NRG3: variants seen among roughly 807,000 people sequenced by gnomAD.
The protein encoded by NRG3 is neuregulin 3, also known as pro-neuregulin-3, membrane-bound isoform.
In NRG3, 31 loss-of-function variants were observed where a neutral mutation model predicts 66.9. The observed-to-expected ratio is 0.46, with a 90% confidence interval of 0.35 to 0.63. The LOEUF is 0.63. Ranked by LOEUF, NRG3 falls within the 20% of genes least tolerant of loss-of-function variation. The pLI, the probability that NRG3 is intolerant of heterozygous loss-of-function variation, is 0.00. For missense variants in NRG3, 910 were observed against 878.9 expected, an observed-to-expected ratio of 1.04 and a Z score of -0.45; for synonymous variants, 393 against 359.4, an observed-to-expected ratio of 1.09 and a Z score of -1.06.
intron 1 of NRG3, among the ~76,000 whole-genome samples, chr10:81,955,252 T>C (rs1849719562): frequency 6.6e-6 from 1 of 151,248 alleles, no homozygotes; most frequent in Admixed American, 6.6e-5. Context: ...CAAGCAATTG[T>C]GGAAGCTGGA....
intron 1 of NRG3, among the ~76,000 whole-genome samples, chr10:82,034,380 A>C (rs556533382): frequency 5.9e-5 from 9 of 152,206 alleles, no homozygotes; most frequent in African/African-American, 2.2e-4. Context: ...TGTCTTGGAA[A>C]CCGCAAGATG....
At chr10:82,809,422 G>A (rs2061409553) in intron 3 of NRG3, among the ~76,000 whole-genome samples, 1 of 151,740 alleles carries the variant, frequency 6.6e-6, no homozygotes. Context: ...GTATTCCCAT[G>A]TACCCCATTT....
chr10:81,955,116 A>G (rs1243268130), intron 1 of NRG3, among the ~76,000 whole-genome samples: 2 of 148,764 alleles, frequency 1.3e-5, no homozygotes, highest in Non-Finnish European at 3.0e-5. Context: ...CTGTTATATT[A>G]GACATATACC....
chr10:82,019,784 T>C (rs1443596956), intron 1 of NRG3, among the ~76,000 whole-genome samples: 1 of 152,134 alleles, frequency 6.6e-6, no homozygotes, highest in Non-Finnish European at 1.5e-5. Flanking sequence ...GGTGGTGATA[T>C]CTCCTTTATC....
At chr10:82,921,631 G>A (rs1233871709) in intron 4 of NRG3, among the ~76,000 whole-genome samples, 3 of 152,100 alleles carry the variant, frequency 2.0e-5, no homozygotes, top group Non-Finnish European at 2.9e-5. Context: ...AGAATAAAGA[G>A]AAAACATGTA....
At chr10:82,020,192 A>G (rs111883166) in intron 1 of NRG3, among the ~76,000 whole-genome samples, 34 of 152,306 alleles carry the variant, frequency 2.2e-4, no homozygotes, top group African/African-American at 7.9e-4. Flanking sequence ...TTGTGATTTT[A>G]TCTTACTGTG....
intron 1 of NRG3, among the ~76,000 whole-genome samples, chr10:81,970,456 A>C (rs2059893164): frequency 6.6e-6 from 1 of 152,174 alleles, no homozygotes; most frequent in African/African-American, 2.4e-5. Context: ...TTTTTAATTG[A>C]TTCTGTAATT....
chr10:82,232,563 T>C, intron 1 of NRG3: 3 of 560,810 alleles, frequency 5.3e-6, no homozygotes, highest in South Asian at 2.3e-5. Flanking sequence ...CTCAGACTTC[T>C]GACCGTTTTT....
intron 1 of NRG3, among the ~76,000 whole-genome samples, chr10:82,245,180 A>G (rs2077180644): frequency 6.6e-6 from 1 of 152,104 alleles, no homozygotes; most frequent in Admixed American, 6.6e-5. Context: ...GGGGGATGGG[A>G]GGCAGTGACA....
At chr10:82,706,271 T>A (rs2256900) in intron 2 of NRG3, among the ~76,000 whole-genome samples, 137,821 of 152,196 alleles carry the variant, frequency 0.91, 62,493 homozygotes, top group East Asian at 1. Context: ...TGACATATTA[T>A]AATCTCCAGG....
intron 1 of NRG3, among the ~76,000 whole-genome samples, chr10:82,114,782 T>A (rs2067601277): frequency 2.6e-5 from 4 of 152,256 alleles, no homozygotes; most frequent in African/African-American, 9.6e-5. Context: ...AACTGTTCTT[T>A]CATGATGTGT....
At chr10:82,889,818 T>C (rs1014954852) in intron 4 of NRG3, among the ~76,000 whole-genome samples, 1 of 152,216 alleles carries the variant, frequency 6.6e-6, no homozygotes, top group African/African-American at 2.4e-5. Context: ...CTGATGGCTC[T>C]ACAGTTGCCC....
chr10:82,643,075 A>G (rs564638913), intron 2 of NRG3, among the ~76,000 whole-genome samples: 1 of 152,250 alleles, frequency 6.6e-6, no homozygotes, highest in Non-Finnish European at 1.5e-5. Flanking sequence ...TAATAATAAA[A>G]TATTTTAAAA....
intron 2 of NRG3, among the ~76,000 whole-genome samples, chr10:82,446,293 G>A (rs573636420): frequency 3.5e-4 from 54 of 152,228 alleles, no homozygotes; most frequent in Non-Finnish European, 6.5e-4. Context: ...TAATAATTAT[G>A]TAAAGGAATA....
At chr10:82,833,104 C>A (rs1041766361) in intron 3 of NRG3, among the ~76,000 whole-genome samples, 2 of 152,024 alleles carry the variant, frequency 1.3e-5, no homozygotes, top group African/African-American at 4.8e-5. Flanking sequence ...AAAGGAGGTG[C>A]TCTTAACTCT....
chr10:82,699,784 T>C (rs1382695754), intron 2 of NRG3, among the ~76,000 whole-genome samples: 2 of 152,064 alleles, frequency 1.3e-5, no homozygotes, highest in Non-Finnish European at 2.9e-5. Context: ...CATGAATTAT[T>C]CTTCTCCAGA....
At chr10:82,079,004 T>A (rs928144305) in intron 1 of NRG3, among the ~76,000 whole-genome samples, 2 of 152,248 alleles carry the variant, frequency 1.3e-5, no homozygotes, top group Non-Finnish European at 2.9e-5. Flanking sequence ...TTTGTGTATA[T>A]GTGTTGATAA....
At chr10:82,325,676 G>T (rs760184600) in intron 1 of NRG3, among the ~76,000 whole-genome samples, 2 of 149,610 alleles carry the variant, frequency 1.3e-5, no homozygotes, top group African/African-American at 4.9e-5. Flanking sequence ...TATTATTTTC[G>T]TGGTTGCTTT....
chr10:82,166,964 G>A (rs1314237030), intron 1 of NRG3: 1 of 441,836 alleles, frequency 2.3e-6, no homozygotes, highest in African/African-American at 2.0e-5. Flanking sequence ...TAAGAAATCT[G>A]CCATCTTTCT....
Sources: gnomAD v4.1 joint callset for allele counts (sites outside exome capture counted in the v4.1 genomes callset) on GRCh38, gnomAD v4.1.1 for gene constraint, MANE v1.5 for transcripts, NCBI Gene and HGNC (gene_info 2026-07-23, HGNC 2026-07-21) for gene names.